ABCA3: variants seen among roughly 807,000 people sequenced by gnomAD.
ABCA3 encodes ATP binding cassette subfamily A member 3.
A neutral mutation model predicts 172.8 loss-of-function variants in ABCA3; 88 were observed. The observed-to-expected ratio is 0.51, with a 90% CI of 0.43 to 0.61. ABCA3 has a LOEUF of 0.61. Ranked by LOEUF, ABCA3 falls within the 20% of genes least tolerant of loss-of-function variation. The pLI is 0.00. For synonymous variants in ABCA3, 1,066 were observed against 983.8 expected (o/e 1.08, Z -1.56); for missense variants, 2,164 against 2,301.0 (o/e 0.94, Z 1.22).
chr16:2,308,716 G>A (rs2093701900), intron 10 of ABCA3, 93 bp from the exon 11 acceptor site: 3 of 1,482,286 alleles, frequency 2.0e-6, no homozygotes, highest in Admixed American at 1.9e-5. Context: ...CTACTCCTGG[G>A]GCCGAGCCAC....
intron 10 of ABCA3, among the ~76,000 whole-genome samples, chr16:2,315,073 C>G (rs1201592815): frequency 1.3e-5 from 2 of 150,568 alleles, no homozygotes; most frequent in Admixed American, 1.3e-4. Context: ...TTAGTAGAGA[C>G]GAGGTTTCAC....
chr16:2,300,847 A>G (rs1300347244), intron 12 of ABCA3, among the ~76,000 whole-genome samples: 2 of 152,310 alleles, frequency 1.3e-5, no homozygotes, highest in East Asian at 3.9e-4. Flanking sequence ...CGCCCAGTGC[A>G]CTTCCAGCAC....
At chr16:2,307,706 C>T (rs559650753) in intron 11 of ABCA3, among the ~76,000 whole-genome samples, 4 of 152,266 alleles carry the variant, frequency 2.6e-5, no homozygotes, top group South Asian at 2.1e-4. Flanking sequence ...CCTGGGTTCA[C>T]GCCATTCTCC....
Position 2,299,640 on chromosome 16 carries a change from G to A in ABCA3, c.1612-108C>T, listed in dbSNP as rs756749375. ...CGTCTCAGAAGGAACCAAGCCTAGCGTCACCATCAGTGTGCAGAGGGGAGG... is the reference window on the plus strand; with the variant it reads ...CGTCTCAGAAGGAACCAAGCCTAGCATCACCATCAGTGTGCAGAGGGGAGG... On this transcript the variant is annotated intron_variant, in intron 13 of 32. Coordinates refer to ENST00000301732, the MANE Select transcript of ABCA3 (RefSeq NM_001089.3). 2.8e-4 allele frequency: 425 copies of A among 1,543,426 alleles called. 1 individual carries two copies. The highest frequency in any genetic ancestry group is 3.9e-4 in the South Asian group (35 of 89,410).
At chr16:2,305,003 G>A (rs759226189) in intron 11 of ABCA3, among the ~76,000 whole-genome samples, 33 of 151,928 alleles carry the variant, frequency 2.2e-4, no homozygotes, top group Middle Eastern at 3.2e-3. Context: ...AGTAGAGATG[G>A]GGTTTCACCG....
intron 10 of ABCA3, 68 bp from the exon 11 acceptor site, chr16:2,308,691 G>C (rs932622488): frequency 1.3e-6 from 2 of 1,587,650 alleles, no homozygotes; most frequent in Non-Finnish European, 1.7e-6. Flanking sequence ...GGCTCCCCGA[G>C]GTACAGGCAA....
At position 2,316,782 on chromosome 16, in the gene ABCA3, G is replaced by C. The variant is rs371552488; in HGVS notation, c.1111+501C>G. Among the ~76,000 whole-genome samples, 21 of 152,052 alleles carry C rather than the reference G, an allele frequency of 1.4e-4. No homozygotes were observed. The East Asian group carries it at 2.3e-3, about 17-fold the overall frequency. On this transcript the variant is annotated intron_variant, in intron 10 of 32. Transcript: ENST00000301732. ...GCATACTGAATAACTTCACTTTTTGGAATTTTAGAGGTAAGTAATCAAGTG... is the reference window on the plus strand; with the variant it reads ...GCATACTGAATAACTTCACTTTTTGCAATTTTAGAGGTAAGTAATCAAGTG...
chr16:2,283,634 C>G lies in ABCA3; in HGVS notation c.3863-276G>C, dbSNP rs1335520696. 2.1e-6 allele frequency: 1 copy of G among 466,848 alleles called. No individual in the cohort carries two copies. The highest frequency in any genetic ancestry group is 4.0e-6 in the Non-Finnish European group (1 of 252,786). 28.9% of individuals were successfully genotyped at this position (466,848 alleles called of 1,614,324 possible). On this transcript the variant is annotated intron_variant, in intron 25 of 32. Transcript: ENST00000301732. The surrounding 1 kb of genome is among the most constrained non-coding windows in gnomAD (Gnocchi z 5.4). ...TGAGAGGCACAGGCTCTGCGTGAAT[C>G]CTGGGCTGCCTCCTGACCAGGACAG... is the stretch of plus-strand genomic sequence containing the variant.
chr16:2,301,193 T>C (rs1285100622), intron 12 of ABCA3, among the ~76,000 whole-genome samples: 3 of 149,288 alleles, frequency 2.0e-5, no homozygotes, highest in East Asian at 4.0e-4. Flanking sequence ...ATGGCACCAC[T>C]GTACTCCAGC....
At chr16:2,306,349 G>A (rs1243029212) in intron 11 of ABCA3, among the ~76,000 whole-genome samples, 2 of 152,088 alleles carry the variant, frequency 1.3e-5, no homozygotes, top group African/African-American at 4.8e-5. Context: ...TAAAAAGAAA[G>A]CAAAAGAACA....
intron 19 of ABCA3, among the ~76,000 whole-genome samples, chr16:2,291,051 G>A (rs1417091648): frequency 6.6e-6 from 1 of 152,088 alleles, no homozygotes; most frequent in East Asian, 1.9e-4. Flanking sequence ...TGTAGTTTTA[G>A]TAGAGATGGT....
Position 2,329,733 on chromosome 16 carries a change from G to C in ABCA3, c.-417C>G, listed in dbSNP as rs564646920. 2.6e-5 allele frequency: 4 copies of C among 152,334 alleles called. No individual in the cohort carries two copies. Among genetic ancestry groups the C allele is most frequent in the African/African-American group, 9.7e-5 (4 of 41,436 alleles). The allele number at this position is 152,334 out of a possible 1,614,324, so 9.4% of individuals were successfully genotyped here. A position where few individuals can be genotyped will look rare whatever the true frequency, so the allele number is the denominator to read the frequency against. On this transcript the variant is annotated 5_prime_UTR_variant, in exon 2 of 33. Transcript: ENST00000301732. ...CAGGAGGAGGCGGCTCCGCACAGAG[G>C]GCTCCGGGGTGGGGCCTGAGAGCCT...
Position 2,279,658 on chromosome 16 carries a change from G to A in ABCA3, c.4360-528C>T, listed in dbSNP as rs1752229991. 6.6e-6 allele frequency among the ~76,000 whole-genome samples: 1 copy of A among 152,168 alleles called. No homozygotes were observed. The highest frequency in any genetic ancestry group is 1.9e-4 in the East Asian group (1 of 5,196). On this transcript the variant is annotated intron_variant, in intron 28 of 32. Transcript: ENST00000301732. This position sits in a 1 kb window ranked among gnomAD's most constrained non-coding sequence, Gnocchi z 4.4. ...AGCTACCTTCAGCAGCTGGTCGGGG[G>A]CAGGAGTGCCTGGGTTCTGTGGATT...
In ABCA3 at chr16:2,295,681, G is replaced by A. The variant is rs1461302265; in HGVS notation, c.2323C>T (p.Gln775Ter). The A allele has an allele frequency of 6.2e-7, 1 of 1,613,944 alleles. No individual in the cohort carries two copies. Among genetic ancestry groups the A allele is most frequent in the Non-Finnish European group, 8.5e-7 (1 of 1,180,046 alleles). The change falls in exon 18 of 33, where the codon CAG becomes TAG. Residue 775 changes from glutamine (Q) to a stop codon, truncating the protein, a stop_gained. Coordinates refer to ENST00000301732, the MANE Select transcript of ABCA3 (RefSeq NM_001089.3). LOFTEE classifies it high-confidence loss of function. ...EPHCNPEDIS[Q>*]LVHHHVPNAT... The stretch of plus-strand genomic sequence containing the variant: ...TTGGGCACGTGGTGGTGGACCAGCT[G>A]GGAGATGTCTTCCGGGTTGCAGTGC...
intron 14 of ABCA3, among the ~76,000 whole-genome samples, chr16:2,299,057 AT>A (rs2093684678): frequency 4.3e-5 from 6 of 141,016 alleles, no homozygotes; most frequent in Non-Finnish European, 6.2e-5. Context: ...CCCTGCATTC[AT>A]GGACAGAGGC....
chr16:2,332,060 C>A (rs565148209), intron 1 of ABCA3, among the ~76,000 whole-genome samples: 6 of 152,292 alleles, frequency 3.9e-5, no homozygotes, highest in Non-Finnish European at 7.3e-5. Flanking sequence ...GCGCATACTG[C>A]AGGCTGCTCA....
In ABCA3 at chr16:2,284,697, G is replaced by A. The variant is rs951046599; in HGVS notation, c.3703+82C>T. On this transcript the variant is annotated intron_variant, in intron 24 of 32. Coordinates refer to ENST00000301732, the MANE Select transcript of ABCA3 (RefSeq NM_001089.3). This position sits in a 1 kb window ranked among gnomAD's most constrained non-coding sequence, Gnocchi z 5.9. The stretch of plus-strand genomic sequence containing the variant: ...GGGCCCATTGCCTGAGTCCCGCCTC[G>A]GCTGTGGCTGGTGCCTCCCTGTCTG... 1.0e-5 allele frequency: 15 copies of A among 1,458,752 alleles called. No individual in the cohort carries two copies. The highest frequency in any genetic ancestry group is 2.4e-5 in the South Asian group (2 of 83,576). The allele number at this position is 1,458,752 out of a possible 1,614,324, so 90.4% of individuals were successfully genotyped here. A position where few individuals can be genotyped will look rare whatever the true frequency, so the allele number is the denominator to read the frequency against.
intron 26 of ABCA3, among the ~76,000 whole-genome samples, chr16:2,282,941 C>T (rs748932081): frequency 2.6e-5 from 4 of 152,348 alleles, no homozygotes; most frequent in Admixed American, 1.3e-4. Context: ...CTCAGCAGGA[C>T]GGCCCTGGGC....
intron 1 of ABCA3, chr16:2,332,247 C>A: frequency 2.5e-6 from 1 of 407,316 alleles, no homozygotes; most frequent in Non-Finnish European, 4.5e-6. Flanking sequence ...TTTTTTTTTC[C>A]TTGAAACTTT....
Sources: allele counts gnomAD v4.1 joint callset (sites outside exome capture counted in the v4.1 genomes callset), GRCh38; gene constraint gnomAD v4.1.1; non-coding constraint Gnocchi (gnomAD v3.1); transcripts MANE v1.5; gene names NCBI Gene and HGNC (gene_info 2026-07-23, HGNC 2026-07-21).